The following STK32C variants were observed in gnomAD, a reference collection of about 807,000 sequenced individuals.
STK32C encodes the protein serine/threonine kinase 32C.
STK32C carries 31 observed loss-of-function variants against 56.5 expected under a neutral mutation model. The ratio of observed to expected loss-of-function variants is 0.55; its 90% CI spans 0.41 to 0.74. The LOEUF (loss-of-function observed/expected upper bound fraction) is 0.74. Among genes scored for constraint, STK32C ranks in the 30% least tolerant of loss-of-function variants. STK32C has a pLI of 0.00. For synonymous variants in STK32C, 309 were observed against 289.4 expected (o/e 1.07, Z -0.69); for missense variants, 544 against 676.9 (o/e 0.80, Z 2.18).
At chr10:132,331,782 G>A (rs368777372) in exon 1 of STK32C, 1 of 1,607,842 alleles carries the variant, frequency 6.2e-7, no homozygotes. Flanking sequence ...CGCCCCTCCA[G>A]ACCCTCGCGG....
chr10:132,280,671 C>T (rs1445508735), intron 1 of STK32C, among the ~76,000 whole-genome samples: 1 of 149,460 alleles, frequency 6.7e-6, no homozygotes, highest in Non-Finnish European at 1.5e-5. Context: ...CACTCCACTC[C>T]GTGATCACGC....
At position 132,307,875 on chromosome 10, in the gene STK32C, G is replaced by A; in HGVS notation, c.-42C>T. 8.7e-7 allele frequency: 1 copy of A among 1,143,500 alleles called. No individual in the cohort carries two copies. Among genetic ancestry groups the A allele is most frequent in the African/African-American group, 1.7e-5 (1 of 58,420 alleles). 70.8% of individuals were successfully genotyped at this position (1,143,500 alleles called of 1,614,324 possible). ...GCGCGGCAGCCGGAACTCGGGGCATGGCCGGCCGGCAGGGCCGGGAGCGGC... is the reference window on the plus strand; with the variant it reads ...GCGCGGCAGCCGGAACTCGGGGCATAGCCGGCCGGCAGGGCCGGGAGCGGC... On this transcript the variant is annotated 5_prime_UTR_variant, in exon 1 of 12. Transcript: ENST00000298630. This position sits in a 1 kb window ranked among gnomAD's most constrained non-coding sequence, Gnocchi z 4.4.
chr10:132,323,399 T>G (rs1207395153), downstream of STK32C, among the ~76,000 whole-genome samples: 2 of 152,190 alleles, frequency 1.3e-5, no homozygotes, highest in Non-Finnish European at 2.9e-5. The surrounding 1 kb of genome is among the most constrained non-coding windows in gnomAD (Gnocchi z 4.8). Flanking sequence ...ACTCCATCCC[T>G]AGCGTTCTCA....
At chr10:132,331,819 CCTTCAA>C in exon 1 of STK32C, 1 of 1,551,916 alleles carries the variant, frequency 6.4e-7, no homozygotes. Flanking sequence ...GACCACCACC[CCTTCAA>C]GGCCGCGGGC....
intron 1 of STK32C, among the ~76,000 whole-genome samples, chr10:132,268,333 G>GTGCCTGCGTGTGTA: frequency 6.7e-6 from 1 of 149,876 alleles, no homozygotes; most frequent in East Asian, 2.0e-4. Flanking sequence ...CGGTGTGTGT[G>GTGCCTGCGTGTGTA]CATGCATGTG....
upstream of STK32C, among the ~76,000 whole-genome samples, chr10:132,312,777 T>C (rs532181367): frequency 3.3e-5 from 5 of 152,346 alleles, no homozygotes; most frequent in South Asian, 1.0e-3. Flanking sequence ...CAGTGGCTCA[T>C]GCCTGTAGTC....
At chr10:132,320,125 T>G (rs1446381406), downstream of STK32C, among the ~76,000 whole-genome samples, 1 of 151,578 alleles carries the variant, frequency 6.6e-6, no homozygotes, top group Non-Finnish European at 1.5e-5. Flanking sequence ...CGCGTGTGAA[T>G]GATAAAATTC....
chr10:132,327,518 C>G (rs183586530), intron 1 of STK32C, among the ~76,000 whole-genome samples: 243 of 152,040 alleles, frequency 1.6e-3, no homozygotes, highest in African/African-American at 5.7e-3. Context: ...CTCTGTCACC[C>G]AGGCTGGAGT....
chr10:132,216,481 A>AG (rs1180847484), intron 10 of STK32C, among the ~76,000 whole-genome samples: 22 of 151,648 alleles, frequency 1.5e-4, no homozygotes, highest in Non-Finnish European at 2.2e-4. Flanking sequence ...AAAAAAAAAA[A>AG]AGAGAGAAAA....
At chr10:132,275,643 G>A (rs1342583413) in intron 1 of STK32C, among the ~76,000 whole-genome samples, 2 of 152,224 alleles carry the variant, frequency 1.3e-5, no homozygotes, top group Non-Finnish European at 2.9e-5. Flanking sequence ...GGCCAGCGCA[G>A]TGCAGAGCCA....
Position 132,292,202 on chromosome 10 carries a change from C to T in STK32C, c.262+15370G>A, listed in dbSNP as rs560830673. Among the ~76,000 whole-genome samples the T allele has an allele frequency of 2.2e-4, 33 of 152,318 alleles. No individual in the cohort carries two copies. In the South Asian group the frequency reaches 6.2e-3, roughly 29 times the overall value. On this transcript the variant is annotated intron_variant, in intron 1 of 11. Transcript: ENST00000298630. ...ACATCCAGTGCCAACATAAGCACCT[C>T]CACGAGGAGTAGACAGCCAGTGCAG... is the stretch of plus-strand genomic sequence containing the variant.
At chr10:132,230,280 T>C (rs1241992909) in intron 2 of STK32C, among the ~76,000 whole-genome samples, 2 of 152,244 alleles carry the variant, frequency 1.3e-5, no homozygotes, top group Non-Finnish European at 1.5e-5. Context: ...TGGCTGCCCC[T>C]GGCAGGACCC....
intron 1 of STK32C, among the ~76,000 whole-genome samples, chr10:132,300,752 AC>A (rs1045430665): frequency 1.8e-4 from 28 of 151,948 alleles, no homozygotes; most frequent in Middle Eastern, 3.4e-3. Flanking sequence ...CAGAGATACC[AC>A]CCCGGGTGGC....
chr10:132,227,941 G>T (rs1299419963), intron 3 of STK32C, 36 bp downstream of exon 3: 5 of 1,607,562 alleles, frequency 3.1e-6, no homozygotes, highest in Non-Finnish European at 4.2e-6. Context: ...CTTCAGGACG[G>T]TAAGTCTTTC....
At chr10:132,316,779 G>C (rs2066318233) in intron 1 of STK32C, among the ~76,000 whole-genome samples, 1 of 152,176 alleles carries the variant, frequency 6.6e-6, no homozygotes, top group South Asian at 2.1e-4. Flanking sequence ...AAAGAGTCCA[G>C]GCGCGGTGGC....
intron 1 of STK32C, among the ~76,000 whole-genome samples, chr10:132,293,608 G>T (rs373632757): frequency 6.6e-6 from 1 of 152,224 alleles, no homozygotes; most frequent in Non-Finnish European, 1.5e-5. Context: ...GGAGGGTGCC[G>T]TGGGCAGAGC....
At chr10:132,208,463 A>G (rs923662) in intron 11 of STK32C, among the ~76,000 whole-genome samples, 129,838 of 152,192 alleles carry the variant, frequency 0.85, 55,546 homozygotes, top group East Asian at 0.96. Context: ...TCACCCGGTC[A>G]TCTGATCCCC....
chr10:132,257,513 G>T (rs1590291962), intron 1 of STK32C, among the ~76,000 whole-genome samples: 1 of 81,112 alleles, frequency 1.2e-5, no homozygotes, highest in Non-Finnish European at 3.4e-5. Context: ...ACACCCCCCA[G>T]CCAAAGAGAT....
intron 1 of STK32C, among the ~76,000 whole-genome samples, chr10:132,287,315 A>G (rs2065435344): frequency 6.6e-6 from 1 of 151,840 alleles, no homozygotes; most frequent in African/African-American, 2.4e-5. Context: ...ACATGGTGAA[A>G]CCCCGTCTCT....
Sources: gnomAD v4.1 joint callset for allele counts (sites outside exome capture counted in the v4.1 genomes callset) on GRCh38, gnomAD v4.1.1 for gene constraint, Gnocchi (gnomAD v3.1) non-coding constraint, MANE v1.5 for transcripts, NCBI Gene and HGNC (gene_info 2026-07-23, HGNC 2026-07-21) for gene names.